The following TEX9 variants were observed in gnomAD, a reference collection of about 807,000 sequenced individuals.
TEX9 encodes testis expressed 9.
TEX9 carries 74 observed loss-of-function variants against 59.6 expected under a neutral mutation model. The observed-to-expected ratio is 1.24, with a 90% CI of 1.03 to 1.51. The LOEUF is 1.51. Among genes scored for constraint, TEX9 ranks in the 40% most tolerant of loss-of-function variants. The probability of loss-of-function intolerance (pLI) is 0.00; values close to 1 mark genes in which losing one functional copy is unlikely to be tolerated. For missense variants in TEX9, 522 were observed against 447.8 expected, an observed-to-expected ratio of 1.17 and a Z score of -1.49; for synonymous variants, 186 against 152.2, an observed-to-expected ratio of 1.22 and a Z score of -1.64.
At chr15:56,438,764 C>T (rs1332124030) in intron 12 of TEX9, among the ~76,000 whole-genome samples, 1 of 151,982 alleles carries the variant, frequency 6.6e-6, no homozygotes, top group African/African-American at 2.4e-5. Flanking sequence ...GGGGTAATAT[C>T]CAGAATCTAA....
chr15:56,271,003 C>T (rs143233232), intron 1 of TEX9, among the ~76,000 whole-genome samples: 6,711 of 152,228 alleles, frequency 0.044, 225 homozygotes, highest in Admixed American at 0.087. Context: ...CTGAGAGATC[C>T]GCTGTTAGTC....
At chr15:56,326,490 G>A (rs907633806) in intron 1 of TEX9, among the ~76,000 whole-genome samples, 3 of 151,994 alleles carry the variant, frequency 2.0e-5, no homozygotes, top group African/African-American at 7.3e-5. Context: ...TAAATAATCT[G>A]AGTTATTTTT....
chr15:56,443,440 C>G (rs758215067), intron 12 of TEX9: 10 of 1,575,866 alleles, frequency 6.3e-6, no homozygotes, highest in Non-Finnish European at 8.6e-6. Flanking sequence ...TTTTAGCTTG[C>G]TCTTATATAT....
At chr15:56,436,695 T>C (rs705451) in intron 12 of TEX9, among the ~76,000 whole-genome samples, 4,787 of 151,936 alleles carry the variant, frequency 0.032, 188 homozygotes, top group East Asian at 0.094. Flanking sequence ...ATCAACAAAA[T>C]TGATAGACCG....
At chr15:56,285,971 G>A (rs1386688158) in intron 1 of TEX9, among the ~76,000 whole-genome samples, 3 of 152,174 alleles carry the variant, frequency 2.0e-5, no homozygotes, top group African/African-American at 7.2e-5. Flanking sequence ...CAGGAGTACA[G>A]TTTAAAGTGC....
At chr15:56,300,723 G>GAGAGAA (rs2045337565) in intron 1 of TEX9, among the ~76,000 whole-genome samples, 1 of 150,292 alleles carries the variant, frequency 6.7e-6, no homozygotes, top group African/African-American at 2.5e-5. Flanking sequence ...GAGAGAGAGA[G>GAGAGAA]AGAGAGAGAG....
chr15:56,306,118 G>C (rs2045476701), intron 1 of TEX9, among the ~76,000 whole-genome samples: 1 of 152,132 alleles, frequency 6.6e-6, no homozygotes, highest in African/African-American at 2.4e-5. Flanking sequence ...TGGTGAGAAT[G>C]CAGAGAAAAG....
At chr15:56,256,506 C>A (rs1452893753) in intron 1 of TEX9, among the ~76,000 whole-genome samples, 1 of 151,258 alleles carries the variant, frequency 6.6e-6, no homozygotes, top group Non-Finnish European at 1.5e-5. Flanking sequence ...GAAAAAAATA[C>A]ATAAAGTAGA....
chr15:56,410,463 G>GT (rs143947671), intron 9 of TEX9, among the ~76,000 whole-genome samples: 1,630 of 146,730 alleles, frequency 0.011, 23 homozygotes, highest in African/African-American at 0.035. Flanking sequence ...ATTTTCTTAG[G>GT]TTTTTTTTTT....
chr15:56,327,515 C>T (rs2046044306), intron 1 of TEX9, among the ~76,000 whole-genome samples: 1 of 152,118 alleles, frequency 6.6e-6, no homozygotes, highest in South Asian at 2.1e-4. Context: ...TATCTACACA[C>T]AAAAAACACC....
chr15:56,335,873 T>C (rs1335327816), intron 1 of TEX9, among the ~76,000 whole-genome samples: 1 of 152,140 alleles, frequency 6.6e-6, no homozygotes, highest in Non-Finnish European at 1.5e-5. Flanking sequence ...AGTTTAGAAA[T>C]ATGACTTATA....
chr15:56,416,564 T>G (rs1205155854), intron 10 of TEX9, among the ~76,000 whole-genome samples: 1 of 151,950 alleles, frequency 6.6e-6, no homozygotes, highest in Non-Finnish European at 1.5e-5. Context: ...GAAGTCTACT[T>G]GATCATGGTA....
chr15:56,423,869 A>T (rs906054802), intron 10 of TEX9, among the ~76,000 whole-genome samples: 1 of 151,988 alleles, frequency 6.6e-6, no homozygotes, highest in Admixed American at 6.6e-5. Context: ...TGCACCCATC[A>T]CCCGAGCAGT....
chr15:56,245,884 G>T (rs2043840721), intron 1 of TEX9, among the ~76,000 whole-genome samples: 1 of 152,152 alleles, frequency 6.6e-6, no homozygotes, highest in African/African-American at 2.4e-5. Context: ...GTGTGTGTGT[G>T]TATGCCCTAT....
upstream of TEX9, among the ~76,000 whole-genome samples, chr15:56,363,444 C>T (rs2046828417): frequency 6.6e-6 from 1 of 152,062 alleles, no homozygotes; most frequent in African/African-American, 2.4e-5. Flanking sequence ...GCTGGGATTA[C>T]AGGTGTGAGC....
intron 1 of TEX9, among the ~76,000 whole-genome samples, chr15:56,351,064 C>A (rs1359875728): frequency 6.6e-6 from 1 of 152,068 alleles, no homozygotes; most frequent in Admixed American, 6.6e-5. Context: ...ACTTAAGATA[C>A]AACAAATAAT....
At chr15:56,445,281 T>A (rs1296561183) in intron 12 of TEX9, among the ~76,000 whole-genome samples, 2 of 152,060 alleles carry the variant, frequency 1.3e-5, no homozygotes, top group African/African-American at 2.4e-5. Context: ...CCATTCCCAT[T>A]GTCAAGAGAC....
chr15:56,330,082 C>T (rs924684581), intron 1 of TEX9, among the ~76,000 whole-genome samples: 3 of 151,492 alleles, frequency 2.0e-5, no homozygotes, highest in Non-Finnish European at 2.9e-5. Context: ...TGGCAGCAGA[C>T]TTCTCCATGG....
intron 12 of TEX9, chr15:56,428,805 C>T: frequency 2.8e-6 from 1 of 356,156 alleles, no homozygotes; most frequent in South Asian, 6.0e-5. Flanking sequence ...AGGCAGTTCA[C>T]TTTGGGGTAG....
Sources: allele counts gnomAD v4.1 joint callset (sites outside exome capture counted in the v4.1 genomes callset), GRCh38; gene constraint gnomAD v4.1.1; transcripts MANE v1.5; gene names NCBI Gene and HGNC (gene_info 2026-07-23, HGNC 2026-07-21).